Variants in KCNIP4 observed in about 807,000 individuals in gnomAD.
The protein encoded by KCNIP4 is Kv channel-interacting protein 4.
In KCNIP4, 12 loss-of-function variants were observed where a neutral mutation model predicts 34.0. The observed-to-expected ratio is 0.35, with a 90% CI of 0.23 to 0.57. The LOEUF (loss-of-function observed/expected upper bound fraction) is 0.57, where lower values mean the gene tolerates loss of function less well. KCNIP4 is among the 20% of genes least tolerant of loss of function. The probability of loss-of-function intolerance (pLI) is 0.83; values close to 1 mark genes in which losing one functional copy is unlikely to be tolerated. For synonymous variants in KCNIP4, 124 were observed against 102.2 expected (o/e 1.21, Z -1.29); for missense variants, 238 against 311.7 (o/e 0.76, Z 1.78).
At chr4:20,840,681 G>A (rs73242514) in intron 3 of KCNIP4, among the ~76,000 whole-genome samples, 10,254 of 152,154 alleles carry the variant, frequency 0.067, 471 homozygotes, top group Non-Finnish European at 0.1. Flanking sequence ...GTCCCATCCT[G>A]TCCCCAACGG....
chr4:21,455,136 A>G (rs1236151150), intron 1 of KCNIP4, among the ~76,000 whole-genome samples: 1 of 151,980 alleles, frequency 6.6e-6, no homozygotes, highest in African/African-American at 2.4e-5. Context: ...CAAATTCCAG[A>G]TTCCTGACAA....
intron 1 of KCNIP4, among the ~76,000 whole-genome samples, chr4:21,061,304 T>C (rs888000677): frequency 2.0e-5 from 3 of 152,274 alleles, no homozygotes; most frequent in African/African-American, 7.2e-5. Context: ...TCACATTTAT[T>C]CAATGTGATA....
intron 1 of KCNIP4, among the ~76,000 whole-genome samples, chr4:21,378,985 G>A (rs541333451): frequency 3.9e-5 from 6 of 151,998 alleles, no homozygotes; most frequent in South Asian, 2.1e-4. Flanking sequence ...AAAAACAATC[G>A]TTAATTCATT....
chr4:21,528,844 G>GC, intron 1 of KCNIP4, among the ~76,000 whole-genome samples: 1 of 145,522 alleles, frequency 6.9e-6, no homozygotes, highest in Admixed American at 6.9e-5. Flanking sequence ...AGGAAGGAAG[G>GC]AAGGAAGGAA....
intron 1 of KCNIP4, among the ~76,000 whole-genome samples, chr4:21,913,660 T>C (rs1318321749): frequency 1.3e-5 from 2 of 152,176 alleles, no homozygotes; most frequent in African/African-American, 4.8e-5. Flanking sequence ...ATCCTTGCTA[T>C]GACAAAGCCA....
chr4:21,890,361 C>T (rs1227458800), intron 1 of KCNIP4, among the ~76,000 whole-genome samples: 5 of 152,110 alleles, frequency 3.3e-5, no homozygotes, highest in South Asian at 2.1e-4. Context: ...TGCTCTAACT[C>T]TTGTGTAAAT....
chr4:21,440,866 G>C (rs1427074511), intron 1 of KCNIP4, among the ~76,000 whole-genome samples: 1 of 151,964 alleles, frequency 6.6e-6, no homozygotes, highest in Non-Finnish European at 1.5e-5. Context: ...AAACAAACCA[G>C]CCTAACTCCT....
intron 3 of KCNIP4, among the ~76,000 whole-genome samples, chr4:20,839,457 G>T (rs1198590057): frequency 6.7e-6 from 1 of 148,386 alleles, no homozygotes; most frequent in African/African-American, 2.5e-5. Context: ...CAAAAAGCAA[G>T]TAGATATCTA....
chr4:21,905,356 C>T (rs539755325), intron 1 of KCNIP4, among the ~76,000 whole-genome samples: 1 of 152,236 alleles, frequency 6.6e-6, no homozygotes, highest in East Asian at 1.9e-4. Context: ...CCAGTTTGGG[C>T]TTCATGCAGG....
intron 1 of KCNIP4, among the ~76,000 whole-genome samples, chr4:21,392,579 T>C (rs1052023426): frequency 6.6e-6 from 1 of 152,220 alleles, no homozygotes; most frequent in Non-Finnish European, 1.5e-5. Context: ...AAACGCTGTT[T>C]GTACTCTGGT....
At chr4:21,697,295 C>T (rs1044591445) in intron 1 of KCNIP4, 4 of 1,385,458 alleles carry the variant, frequency 2.9e-6, no homozygotes, top group African/African-American at 1.6e-5. Context: ...AACTTCATTA[C>T]CATGCTCTAC....
intron 1 of KCNIP4, among the ~76,000 whole-genome samples, chr4:21,840,087 T>C (rs1272706269): frequency 6.6e-6 from 1 of 151,986 alleles, no homozygotes; most frequent in East Asian, 1.9e-4. Flanking sequence ...TCTTTACCAT[T>C]ACAAAGCACC....
At chr4:21,036,002 C>T (rs916396570) in intron 1 of KCNIP4, among the ~76,000 whole-genome samples, 1 of 152,188 alleles carries the variant, frequency 6.6e-6, no homozygotes, top group African/African-American at 2.4e-5. Context: ...TGGCACAAGA[C>T]ATTTCCTTTC....
At chr4:21,299,180 CAT>C (rs892717961) in intron 1 of KCNIP4, among the ~76,000 whole-genome samples, 3 of 151,986 alleles carry the variant, frequency 2.0e-5, no homozygotes, top group South Asian at 2.1e-4. Context: ...CTGTTTAACA[CAT>C]GTCTGACATA....
At chr4:21,307,319 T>C (rs751274220) in intron 1 of KCNIP4, among the ~76,000 whole-genome samples, 1 of 152,140 alleles carries the variant, frequency 6.6e-6, no homozygotes, top group Non-Finnish European at 1.5e-5. Context: ...CCCCATATCT[T>C]CCCATGAGTA....
At chr4:21,597,991 T>G (rs1372740513) in intron 1 of KCNIP4, among the ~76,000 whole-genome samples, 1 of 152,024 alleles carries the variant, frequency 6.6e-6, no homozygotes, top group Non-Finnish European at 1.5e-5. Flanking sequence ...AATTATGAAC[T>G]GTTGATTCAG....
At position 21,236,732 on chromosome 4, in the gene KCNIP4, G is replaced by A. The variant is rs975748670; in HGVS notation, c.62-354023C>T. On this transcript the variant is annotated intron_variant, in intron 1 of 8. Transcript: ENST00000382152. ...ACCTTTTAAGATATACATTCAGGCC[G>A]GGCGCGGTGGCTCATGTCTGTTATC... 7.9e-5 allele frequency among the ~76,000 whole-genome samples: 12 copies of A among 151,882 alleles called. No individual in the cohort carries two copies. The South Asian group carries it at 1.2e-3, about 16-fold the overall frequency.
intron 1 of KCNIP4, among the ~76,000 whole-genome samples, chr4:21,589,372 A>G (rs1158985495): frequency 6.0e-5 from 9 of 149,380 alleles, no homozygotes; most frequent in African/African-American, 2.2e-4. Flanking sequence ...ATATATATAT[A>G]CATGTTCAGG....
At chr4:21,118,551 A>G (rs1472360531) in intron 1 of KCNIP4, among the ~76,000 whole-genome samples, 1 of 152,176 alleles carries the variant, frequency 6.6e-6, no homozygotes, top group Non-Finnish European at 1.5e-5. Context: ...CCAAAATGCA[A>G]GTTGCAAGAG....
Sources: gnomAD v4.1 joint callset for allele counts (sites outside exome capture counted in the v4.1 genomes callset) on GRCh38, gnomAD v4.1.1 for gene constraint, MANE v1.5 for transcripts, NCBI Gene and HGNC (gene_info 2026-07-23, HGNC 2026-07-21) for gene names.